The following TRAPPC8 variants were observed in gnomAD, a reference collection of about 807,000 sequenced individuals.
TRAPPC8 encodes trafficking protein particle complex subunit 8.
TRAPPC8 carries 54 observed loss-of-function variants against 174.3 expected under a neutral mutation model. That is an observed-to-expected ratio of 0.31 (90% CI 0.25 to 0.39). TRAPPC8 has a LOEUF of 0.39. Ranked by LOEUF, TRAPPC8 falls within the 10% of genes least tolerant of loss-of-function variation. The pLI, the probability that TRAPPC8 is intolerant of heterozygous loss-of-function variation, is 1.00. For synonymous variants in TRAPPC8, 630 were observed against 579.9 expected (o/e 1.09, Z -1.24); for missense variants, 1,531 against 1,699.1 (o/e 0.90, Z 1.74).
chr18:31,870,644 T>C, intron 15 of TRAPPC8, 142 bp from the exon 16 acceptor site: 1 of 959,074 alleles, frequency 1.0e-6, no homozygotes, highest in Non-Finnish European at 1.5e-6. Flanking sequence ...TGTCCACGTA[T>C]TCAGGATTCT....
rs1215194739 is a variant in TRAPPC8, at chr18:31,942,663, G to T, written c.102C>A (p.Leu34=). ...GCAGCTCCGCGAAGCTGAGGTGATTGAGACGAGTGAGCCGCTCGGCTTCGT... is the reference window on the plus strand; with the variant it reads ...GCAGCTCCGCGAAGCTGAGGTGATTTAGACGAGTGAGCCGCTCGGCTTCGT... ...CSDEAERLTR[L]NHLSFAELLK... The change falls in exon 1 of 29, where the codon CTC becomes CTA. Residue 34 remains leucine, a synonymous_variant. Transcript: ENST00000283351. 6 of 1,611,166 alleles carry T rather than the reference G, an allele frequency of 3.7e-6. No individual in the cohort carries two copies. Among genetic ancestry groups the T allele is most frequent in the Non-Finnish European group, 4.2e-6 (5 of 1,178,762 alleles).
intron 1 of TRAPPC8, among the ~76,000 whole-genome samples, chr18:31,935,600 G>T (rs1009137976): frequency 2.1e-5 from 3 of 143,296 alleles, no homozygotes; most frequent in Non-Finnish European, 4.5e-5. Flanking sequence ...GCGATTATAG[G>T]CTTGAGCCAC....
chr18:31,887,754 C>T lies in TRAPPC8; in HGVS notation c.1728+2981G>A, dbSNP rs550724201. 4.0e-5 allele frequency among the ~76,000 whole-genome samples: 6 copies of T among 149,598 alleles called. No homozygotes were observed. The South Asian group carries it at 6.2e-4, about 15-fold the overall frequency. ...ATTCCCCCTGAAAACCAGCACAAGA[C>T]AAGGATGCCCTCTCTCATCACTGCT... On this transcript the variant is annotated intron_variant, in intron 12 of 28. Coordinates refer to ENST00000283351, the MANE Select transcript of TRAPPC8 (RefSeq NM_014939.5).
intron 1 of TRAPPC8, among the ~76,000 whole-genome samples, chr18:31,933,910 G>A (rs2037965840): frequency 6.6e-6 from 1 of 152,056 alleles, no homozygotes; most frequent in Non-Finnish European, 1.5e-5. Flanking sequence ...CATGCAGCCG[G>A]GCATGGTGTC....
At chr18:31,837,219 T>C (rs2032800278) in intron 27 of TRAPPC8, among the ~76,000 whole-genome samples, 3 of 151,964 alleles carry the variant, frequency 2.0e-5, no homozygotes, top group African/African-American at 2.4e-5. Context: ...TTTTTAAAGA[T>C]CCAACAAGAG....
In TRAPPC8 at chr18:31,857,901, A is replaced by G; in HGVS notation, c.2827T>C (p.Cys943Arg). ...AYVEFVNVSK[C>R]PLTGLKVVSK... Reference sequence around the variant, plus strand: ...ACAACCTTCAATCCAGTAAGTGGACATTTGCTGACATTGACAAATTCTACA... The same window carrying G: ...ACAACCTTCAATCCAGTAAGTGGACGTTTGCTGACATTGACAAATTCTACA... Residue 943 changes from cysteine (C) to arginine (R), a missense_variant, in exon 20 of 29, where the codon TGT (cysteine) becomes CGT (arginine). Physicochemically the swap from Cys to Arg is radical, Grantham distance 180 (BLOSUM62 -3). Coordinates refer to ENST00000283351, the MANE Select transcript of TRAPPC8 (RefSeq NM_014939.5). The G allele has an allele frequency of 6.2e-7, 1 of 1,614,182 alleles. No homozygotes were observed. The highest frequency in any genetic ancestry group is 8.5e-7 in the Non-Finnish European group (1 of 1,180,014).
intron 16 of TRAPPC8, 129 bp from the exon 17 acceptor site, chr18:31,867,605 G>A: frequency 7.6e-6 from 4 of 523,070 alleles, no homozygotes; most frequent in South Asian, 3.6e-5. Context: ...TTTACCACAT[G>A]CTGAGCTCTA....
chr18:31,920,975 G>A (rs2037362894), intron 2 of TRAPPC8, among the ~76,000 whole-genome samples: 1 of 150,360 alleles, frequency 6.7e-6, no homozygotes, highest in East Asian at 2.0e-4. Flanking sequence ...AAAATTAGCT[G>A]GGCATGGTGG....
In TRAPPC8 at chr18:31,870,959, C is replaced by A; in HGVS notation, c.2224G>T (p.Asp742Tyr). Residue 742 changes from aspartate to tyrosine, a missense_variant, in exon 15 of 29, where the codon GAT becomes TAT. Coordinates refer to ENST00000283351, the MANE Select transcript of TRAPPC8 (RefSeq NM_014939.5). ...ACTGCAAGTGGAAATCTTGAATTAT[C>A]TGAGTAACTGTTCAAACAGTATTGT... The part of the protein sequence containing the change: ...PTQYCLNSYS[D>Y]NSRFPLAVVE... The A allele has an allele frequency of 6.3e-7, 1 of 1,582,486 alleles. No homozygotes were observed. Among genetic ancestry groups the A allele is most frequent in the East Asian group, 2.3e-5 (1 of 44,224 alleles).
In TRAPPC8 at chr18:31,874,559, C is replaced by G; in HGVS notation, c.1874G>C (p.Arg625Thr). 6.2e-7 allele frequency: 1 copy of G among 1,614,052 alleles called. No individual in the cohort carries two copies. Among genetic ancestry groups the G allele is most frequent in the Non-Finnish European group, 8.5e-7 (1 of 1,179,994 alleles). The change falls in exon 13 of 29, where the codon AGG becomes ACG. Residue 625 changes from arginine to threonine, a missense_variant. Physicochemically the swap from Arg to Thr is moderately conservative, Grantham distance 71. Transcript: ENST00000283351. ...RQLDNAVSAFRHILINESKQS... is the reference protein window; with the variant it reads ...RQLDNAVSAFTHILINESKQS... ...TTTACTTTCATTAATTAGAATATGC[C>G]TAAAAGCAGACACAGCATTATCCAG...
intron 22 of TRAPPC8, 44 bp from the exon 23 acceptor site, chr18:31,852,707 C>T: frequency 1.3e-6 from 2 of 1,515,454 alleles, no homozygotes; most frequent in Admixed American, 1.7e-5. Flanking sequence ...CTCAGTTCAT[C>T]ACATGATAAA....
chr18:31,863,551 AAAGC>A (rs1373374062), intron 19 of TRAPPC8, among the ~76,000 whole-genome samples: 1 of 152,214 alleles, frequency 6.6e-6, no homozygotes, highest in Non-Finnish European at 1.5e-5. Flanking sequence ...TTAAGGACAA[AAAGC>A]AAGTACAGGA....
chr18:31,902,734 T>C (rs1299541635), intron 9 of TRAPPC8, among the ~76,000 whole-genome samples: 1 of 152,076 alleles, frequency 6.6e-6, no homozygotes, highest in Non-Finnish European at 1.5e-5. Context: ...CTCTAACCCA[T>C]TTGCCGGGTT....
At chr18:31,832,830 C>T (rs1568024510) in intron 27 of TRAPPC8, among the ~76,000 whole-genome samples, 2 of 151,880 alleles carry the variant, frequency 1.3e-5, no homozygotes, top group South Asian at 2.1e-4. Flanking sequence ...ATAACATGTA[C>T]AAATGAAGCA....
At position 31,942,853 on chromosome 18, in the gene TRAPPC8, C is replaced by T; in HGVS notation, c.-89G>A. On this transcript the variant is annotated 5_prime_UTR_variant, in exon 1 of 29. Coordinates refer to ENST00000283351, the MANE Select transcript of TRAPPC8 (RefSeq NM_014939.5). ...TGCAGCAGCTACCGCCGCCGCCCGCCGGCCTGGCCCGGCCGGGCGGGGCCC... is the reference window on the plus strand; with the variant it reads ...TGCAGCAGCTACCGCCGCCGCCCGCTGGCCTGGCCCGGCCGGGCGGGGCCC... 1 of 1,257,370 alleles carries T rather than the reference C, an allele frequency of 8.0e-7. No homozygotes were observed. The highest frequency in any genetic ancestry group is 1.0e-6 in the Non-Finnish European group (1 of 999,674). The allele number at this position is 1,257,370 out of a possible 1,614,324, so 77.9% of individuals were successfully genotyped here.
rs752724942 is a variant in TRAPPC8 at position 31,908,820 on chromosome 18, T to C, written c.1056A>G (p.Ile352Met). 3 of 1,613,736 alleles carry C rather than the reference T, an allele frequency of 1.9e-6. No homozygotes were observed. The highest frequency in any genetic ancestry group is 2.5e-6 in the Non-Finnish European group (3 of 1,179,728). The part of the protein sequence containing the change: ...LTDHDRIRQF[I>M]QEFTFRGLLP... ...AAAGGCCCCGAAATGTGAACTCTTG[T>C]ATAAACTGTCGAATTCTATCATGAT... The change falls in exon 7 of 29, where the codon ATA (isoleucine) becomes ATG (methionine). Residue 352 changes from isoleucine to methionine, a missense_variant. Coordinates refer to ENST00000283351, the MANE Select transcript of TRAPPC8 (RefSeq NM_014939.5).
chr18:31,851,544 C>G (rs1166560359), intron 24 of TRAPPC8, among the ~76,000 whole-genome samples: 1 of 150,264 alleles, frequency 6.7e-6, no homozygotes, highest in South Asian at 2.1e-4. Context: ...GAGACAGGGT[C>G]TTGCCTTGGT....
intron 19 of TRAPPC8, among the ~76,000 whole-genome samples, chr18:31,862,543 C>T (rs1214477697): frequency 1.3e-5 from 2 of 152,100 alleles, no homozygotes; most frequent in Non-Finnish European, 2.9e-5. Flanking sequence ...AGCCTTATCT[C>T]TTGACAACCA....
At chr18:31,925,670 GA>G (rs1211649841) in intron 2 of TRAPPC8, among the ~76,000 whole-genome samples, 2 of 152,102 alleles carry the variant, frequency 1.3e-5, no homozygotes, top group East Asian at 1.9e-4. Flanking sequence ...TAAAATAAGT[GA>G]AAAAGGAGTT....
Sources: gnomAD v4.1 joint callset for allele counts (sites outside exome capture counted in the v4.1 genomes callset) on GRCh38, gnomAD v4.1.1 for gene constraint, MANE v1.5 for transcripts, NCBI Gene and HGNC (gene_info 2026-07-23, HGNC 2026-07-21) for gene names.